The following LRRK2 variants were observed in gnomAD, a reference collection of about 807,000 sequenced individuals.
The protein encoded by LRRK2 is leucine-rich repeat serine/threonine-protein kinase 2.
A neutral mutation model predicts 302.6 loss-of-function variants in LRRK2; 203 were observed. The ratio of observed to expected loss-of-function variants is 0.67; its 90% CI spans 0.60 to 0.75. LRRK2 has a LOEUF of 0.75. Among genes scored for constraint, LRRK2 ranks in the 30% least tolerant of loss-of-function variants. LRRK2 has a pLI of 0.00. For synonymous variants in LRRK2, 1,066 were observed against 1,031.9 expected, an observed-to-expected ratio of 1.03 and a Z score of -0.63; for missense variants, 2,830 against 2,951.0, an observed-to-expected ratio of 0.96 and a Z score of 0.95.
intron 7 of LRRK2, 64 bp from the exon 8 acceptor site, chr12:40,249,762 A>G: frequency 3.2e-6 from 5 of 1,548,070 alleles, no homozygotes; most frequent in Non-Finnish European, 4.5e-6. Context: ...AAATAGTGTT[A>G]TATGTTAAAG....
At chr12:40,242,163 A>G (rs1030469332) in intron 6 of LRRK2, among the ~76,000 whole-genome samples, 1 of 152,168 alleles carries the variant, frequency 6.6e-6, no homozygotes, top group Non-Finnish European at 1.5e-5. Context: ...TCTAACTGAA[A>G]AACATTTGCT....
intron 12 of LRRK2, 93 bp downstream of exon 12, chr12:40,257,470 A>C: frequency 1.4e-6 from 2 of 1,470,738 alleles, no homozygotes; most frequent in Non-Finnish European, 1.9e-6. Context: ...TGAAAAGAAA[A>C]AGAAAAACAT....
chr12:40,283,400 T>C (rs777268552), intron 18 of LRRK2, among the ~76,000 whole-genome samples: 1 of 152,212 alleles, frequency 6.6e-6, no homozygotes, highest in Non-Finnish European at 1.5e-5. Flanking sequence ...GAGTAATGAC[T>C]GTCGTTTGTG....
intron 41 of LRRK2, among the ~76,000 whole-genome samples, chr12:40,341,502 A>C (rs1324047476): frequency 2.6e-5 from 4 of 152,162 alleles, no homozygotes; most frequent in African/African-American, 9.7e-5. Context: ...TCTCATAAAC[A>C]CTTCAAAGTG....
In LRRK2 at chr12:40,249,666, C is replaced by T. The variant is rs732374; in HGVS notation, c.839-160C>T. Among the ~76,000 whole-genome samples, 49,555 of 151,996 alleles carry T rather than the reference C, an allele frequency of 0.33. 8,506 individuals are homozygous for T. The highest frequency in any genetic ancestry group is 0.44 in the South Asian group (2,130 of 4,828). Reference sequence around the variant, plus strand: ...GACAGCATAAAATAAAATTTCAAAACTTTACTCAATCATATTAAGCTATTT... The same window carrying T: ...GACAGCATAAAATAAAATTTCAAAATTTTACTCAATCATATTAAGCTATTT... On this transcript the variant is annotated intron_variant, in intron 7 of 50. Transcript: ENST00000298910.
In LRRK2 at chr12:40,240,356, T is replaced by C. The variant is rs6581622; in HGVS notation, c.572-127T>C. 0.28 allele frequency: 233,861 copies of C among 824,376 alleles called. 35,737 individuals carry two copies. Among genetic ancestry groups the C allele is most frequent in the Admixed American group, 0.34 (13,936 of 41,482 alleles). The allele number at this position is 824,376 out of a possible 1,614,324, so 51.1% of individuals were successfully genotyped here. ...TAGGAAGGGCTGCTTCACAGAAATA[T>C]ATTTTTTATTTAAGGAGATTACACT... On this transcript the variant is annotated intron_variant, in intron 5 of 50. Transcript: ENST00000298910.
intron 19 of LRRK2, 150 bp downstream of exon 19, chr12:40,284,283 A>C (rs868394148): frequency 5.1e-6 from 3 of 590,114 alleles, no homozygotes; most frequent in Non-Finnish European, 8.3e-6. Context: ...TTTGGCTATG[A>C]AATACTTCAA....
intron 28 of LRRK2, among the ~76,000 whole-genome samples, chr12:40,306,197 CT>C (rs1304980563): frequency 2.6e-5 from 4 of 152,134 alleles, no homozygotes; most frequent in Non-Finnish European, 5.9e-5. Flanking sequence ...GCTTCTCCTC[CT>C]TCTGTTTCTT....
intron 40 of LRRK2, among the ~76,000 whole-genome samples, chr12:40,338,978 C>T (rs1373789918): frequency 1.3e-5 from 2 of 152,010 alleles, no homozygotes; most frequent in African/African-American, 4.8e-5. Flanking sequence ...TTTTTTCAGC[C>T]CAAAATAGGT....
intron 28 of LRRK2, among the ~76,000 whole-genome samples, chr12:40,306,270 C>A (rs930485698): frequency 1.3e-5 from 2 of 151,998 alleles, no homozygotes; most frequent in Non-Finnish European, 2.9e-5. Context: ...TTACCAATTA[C>A]ACAATCTAAA....
intron 14 of LRRK2, among the ~76,000 whole-genome samples, chr12:40,272,659 A>G (rs1352153707): frequency 6.6e-6 from 1 of 152,174 alleles, no homozygotes; most frequent in African/African-American, 2.4e-5. Flanking sequence ...TTTGGAGGTA[A>G]AAGAAGACAT....
rs1033783978 is a variant in LRRK2 at position 40,288,304 on chromosome 12, T to G, written c.2689+765T>G. Among the ~76,000 whole-genome samples the G allele has an allele frequency of 4.0e-5, 6 of 151,870 alleles. No individual in the cohort carries two copies. The Admixed American group carries it at 4.0e-4, about 10-fold the overall frequency. On this transcript the variant is annotated intron_variant, in intron 20 of 50. Coordinates refer to ENST00000298910, the MANE Select transcript of LRRK2 (RefSeq NM_198578.4). Reference sequence around the variant, plus strand: ...AATGCATTCACTTTAAGTATATATTTTCATGCGCTTTGAAAATTAACATAT... The same window carrying G: ...AATGCATTCACTTTAAGTATATATTGTCATGCGCTTTGAAAATTAACATAT...
rs533406893 is a variant in LRRK2 at position 40,287,412 on chromosome 12, A to G, written c.2562A>G (p.Glu854=). The change falls in exon 20 of 51, where the codon GAA becomes GAG. Residue 854 remains glutamate (E), a synonymous_variant. Coordinates refer to ENST00000298910, the MANE Select transcript of LRRK2 (RefSeq NM_198578.4). ...IRYQMKSAVE[E]GTASGSDGNF... is the part of the protein sequence containing the mutation. ...ATCAGATGAAAAGTGCTGTGGAAGA[A>G]GGAACAGCCTCAGGCAGCGATGGAA... is the stretch of plus-strand genomic sequence containing the variant. The G allele has an allele frequency of 5.6e-6, 9 of 1,612,898 alleles. No individual in the cohort carries two copies. The African/African-American group carries it at 1.2e-4, about 22-fold the overall frequency.
intron 6 of LRRK2, among the ~76,000 whole-genome samples, chr12:40,241,340 A>C (rs552292485): frequency 6.6e-6 from 1 of 152,234 alleles, no homozygotes; most frequent in Non-Finnish European, 1.5e-5. Flanking sequence ...CTTGATTAGC[A>C]TTTTAATGAG....
intron 47 of LRRK2, among the ~76,000 whole-genome samples, chr12:40,359,858 G>A (rs924185545): frequency 2.0e-5 from 3 of 152,096 alleles, no homozygotes; most frequent in Non-Finnish European, 2.9e-5. Flanking sequence ...TAGACAGCAA[G>A]TATTCTTGCT....
At chr12:40,312,316 T>G (rs1001517716) in intron 31 of LRRK2, among the ~76,000 whole-genome samples, 1 of 152,146 alleles carries the variant, frequency 6.6e-6, no homozygotes, top group African/African-American at 2.4e-5. Context: ...TATATATTGC[T>G]AATGGATGCA....
At chr12:40,295,009 C>A in intron 22 of LRRK2, 95 bp downstream of exon 22, 1 of 760,700 alleles carries the variant, frequency 1.3e-6, no homozygotes, top group Non-Finnish European at 2.3e-6. Flanking sequence ...ATTCTTGGTG[C>A]CAGTTTCATC....
In LRRK2 at chr12:40,364,779, A is replaced by G. The variant is rs549854297; in HGVS notation, c.7182-63A>G. 16 of 1,203,656 alleles carry G rather than the reference A, an allele frequency of 1.3e-5. No individual in the cohort carries two copies. In the African/African-American group the frequency reaches 2.3e-4, roughly 17 times the overall value. 74.6% of individuals were successfully genotyped at this position (1,203,656 alleles called of 1,614,324 possible). ...TTTAAAATGTTGTTTATGTTATCAT[A>G]TGTAAATAGCATTTATCTCTTAATT... is the stretch of plus-strand genomic sequence containing the variant. On this transcript the variant is annotated intron_variant, in intron 48 of 50. Transcript: ENST00000298910.
At chr12:40,354,259 T>C in intron 44 of LRRK2, 40 bp from the exon 45 acceptor site, 2 of 1,566,842 alleles carry the variant, frequency 1.3e-6, no homozygotes, top group Non-Finnish European at 1.8e-6. Context: ...TGCTTAAGCT[T>C]AAATCAAATC....
Sources: allele counts gnomAD v4.1 joint callset (sites outside exome capture counted in the v4.1 genomes callset), GRCh38; gene constraint gnomAD v4.1.1; transcripts MANE v1.5; gene names NCBI Gene and HGNC (gene_info 2026-07-23, HGNC 2026-07-21).